ZFPM2: variants seen among roughly 807,000 people sequenced by gnomAD.
The protein encoded by ZFPM2 is zinc finger protein ZFPM2.
A neutral mutation model predicts 98.6 loss-of-function variants in ZFPM2; 20 were observed. The ratio of observed to expected loss-of-function variants is 0.20; its 90% CI spans 0.14 to 0.29. ZFPM2 has a LOEUF of 0.29. Ranked by LOEUF, ZFPM2 falls within the 10% of genes least tolerant of loss-of-function variation. ZFPM2 has a pLI of 1.00. For missense variants in ZFPM2, 1,310 were observed against 1,388.6 expected (o/e 0.94, Z 0.90); for synonymous variants, 518 against 502.7 (o/e 1.03, Z -0.41).
At chr8:105,465,505 G>T (rs142693014) in intron 3 of ZFPM2, among the ~76,000 whole-genome samples, 347 of 151,698 alleles carry the variant, frequency 2.3e-3, no homozygotes, top group Middle Eastern at 0.021. Flanking sequence ...CACAAAAAAC[G>T]CAAAGCCAAC....
chr8:105,741,361 T>G (rs1484023212), intron 5 of ZFPM2, among the ~76,000 whole-genome samples: 1 of 152,082 alleles, frequency 6.6e-6, no homozygotes, highest in East Asian at 1.9e-4. Context: ...GAGTTTTGCT[T>G]TTAATGCAGC....
chr8:105,794,385 G>A (rs570756582), intron 6 of ZFPM2, among the ~76,000 whole-genome samples: 8 of 152,192 alleles, frequency 5.3e-5, no homozygotes, highest in Non-Finnish European at 1.2e-4. Context: ...GGTGTCTGCA[G>A]AACAGTGGTT....
At chr8:105,785,807 C>T (rs183024407) in intron 5 of ZFPM2, among the ~76,000 whole-genome samples, 1 of 152,176 alleles carries the variant, frequency 6.6e-6, no homozygotes, top group East Asian at 1.9e-4. Flanking sequence ...CTTTGGGAGG[C>T]CGAGGCGGGT....
chr8:105,509,503 A>G (rs980186501), intron 3 of ZFPM2, among the ~76,000 whole-genome samples: 1 of 152,218 alleles, frequency 6.6e-6, no homozygotes, highest in Admixed American at 6.5e-5. Flanking sequence ...TAAAAAATGT[A>G]CTTGCAGTGA....
At chr8:105,457,165 G>A (rs959569254) in intron 3 of ZFPM2, among the ~76,000 whole-genome samples, 2 of 152,184 alleles carry the variant, frequency 1.3e-5, no homozygotes, top group Non-Finnish European at 2.9e-5. Flanking sequence ...ATAACAGCCA[G>A]TATGTTGTTA....
intron 1 of ZFPM2, among the ~76,000 whole-genome samples, chr8:105,410,645 A>G (rs1171607699): frequency 6.6e-6 from 1 of 151,954 alleles, no homozygotes; most frequent in South Asian, 2.1e-4. Context: ...CGTATTTGAT[A>G]GTTTTGCAGA....
chr8:105,655,341 C>T (rs546560509), intron 5 of ZFPM2, among the ~76,000 whole-genome samples: 2 of 149,904 alleles, frequency 1.3e-5, no homozygotes, highest in East Asian at 2.0e-4. Flanking sequence ...AAGCGATTCT[C>T]CTGCCTCAGC....
chr8:105,524,723 T>G (rs1814137637), intron 3 of ZFPM2, among the ~76,000 whole-genome samples: 1 of 152,126 alleles, frequency 6.6e-6, no homozygotes, highest in Admixed American at 6.6e-5. Flanking sequence ...ACTTCAGAAC[T>G]GGCTGTGACC....
At chr8:105,426,014 T>G (rs1442810123) in intron 2 of ZFPM2, among the ~76,000 whole-genome samples, 1 of 152,190 alleles carries the variant, frequency 6.6e-6, no homozygotes, top group Non-Finnish European at 1.5e-5. Context: ...ATAAATCCTT[T>G]CAATGAACAT....
chr8:105,389,708 C>T (rs1473574238), intron 1 of ZFPM2, among the ~76,000 whole-genome samples: 2 of 152,068 alleles, frequency 1.3e-5, no homozygotes, highest in East Asian at 1.9e-4. Flanking sequence ...GTCATCAATG[C>T]GAGGCTAACA....
At chr8:105,344,208 T>C (rs1208457293) in intron 1 of ZFPM2, among the ~76,000 whole-genome samples, 1 of 152,088 alleles carries the variant, frequency 6.6e-6, no homozygotes, top group East Asian at 1.9e-4. Flanking sequence ...AAAATGAGAT[T>C]TGGGTGGGGA....
chr8:105,785,458 T>C (rs553701607), intron 5 of ZFPM2, among the ~76,000 whole-genome samples: 4 of 109,630 alleles, frequency 3.6e-5, no homozygotes, highest in Non-Finnish European at 6.9e-5. Flanking sequence ...GTTCTGCCAC[T>C]GACCCTAAGT....
At chr8:105,394,981 G>A (rs1383764762) in intron 1 of ZFPM2, among the ~76,000 whole-genome samples, 1 of 152,168 alleles carries the variant, frequency 6.6e-6, no homozygotes, top group African/African-American at 2.4e-5. Context: ...TCCCAATGTG[G>A]CTTCTGGGTA....
intron 4 of ZFPM2, among the ~76,000 whole-genome samples, chr8:105,580,827 C>CTCTATATA (rs1277698205): frequency 2.4e-4 from 32 of 131,470 alleles, no homozygotes; most frequent in African/African-American, 8.4e-4. Context: ...CTCTCTCTCT[C>CTCTATATA]TATATATATA....
intron 1 of ZFPM2, among the ~76,000 whole-genome samples, chr8:105,380,726 AAC>A (rs1195347996): frequency 4.9e-5 from 2 of 40,636 alleles, no homozygotes; most frequent in Admixed American, 5.0e-4. Context: ...TATTATATAT[AAC>A]ATATATATTA....
chr8:105,712,631 T>C (rs756876775), intron 5 of ZFPM2, among the ~76,000 whole-genome samples: 2 of 152,018 alleles, frequency 1.3e-5, no homozygotes, highest in African/African-American at 4.8e-5. Flanking sequence ...TGCGTGATGC[T>C]GAGGTTTGGG....
chr8:105,757,294 A>AT (rs1289061188), intron 5 of ZFPM2, among the ~76,000 whole-genome samples: 3 of 152,308 alleles, frequency 2.0e-5, no homozygotes, highest in Middle Eastern at 3.4e-3. Flanking sequence ...TTGAAGACAG[A>AT]TAACTCTGTA....
chr8:105,430,930 G>A (rs760633383), intron 2 of ZFPM2, among the ~76,000 whole-genome samples: 69 of 145,486 alleles, frequency 4.7e-4, no homozygotes, highest in Non-Finnish European at 7.9e-4. Context: ...TCGAGATGGA[G>A]TCTCACAATG....
rs75800650 is a variant in ZFPM2 at position 105,486,743 on chromosome 8, A to T, written c.301+42362A>T. 3.9e-5 allele frequency among the ~76,000 whole-genome samples: 6 copies of T among 152,322 alleles called. No individual in the cohort carries two copies. In the South Asian group the frequency reaches 1.2e-3, roughly 32 times the overall value. On this transcript the variant is annotated intron_variant, in intron 3 of 7. Transcript: ENST00000407775. The stretch of plus-strand genomic sequence containing the variant: ...ATAAAGACAAAGCTCAAAGAGATTG[A>T]TGTGTATAAGATCTGAGTTTATTTA...
Sources: gnomAD v4.1 joint callset for allele counts (sites outside exome capture counted in the v4.1 genomes callset) on GRCh38, gnomAD v4.1.1 for gene constraint, MANE v1.5 for transcripts, NCBI Gene and HGNC (gene_info 2026-07-23, HGNC 2026-07-21) for gene names.